The following HSDL2 variants were observed in gnomAD, a reference collection of about 807,000 sequenced individuals.
HSDL2 encodes the protein hydroxysteroid dehydrogenase-like protein 2.
In HSDL2, 27 loss-of-function variants were observed where a neutral mutation model predicts 46.3. That is an observed-to-expected ratio of 0.58 (90% CI 0.43 to 0.80). The LOEUF is 0.80. HSDL2 is among the 30% of genes least tolerant of loss of function. The probability of loss-of-function intolerance (pLI) is 0.00; values close to 1 mark genes in which losing one functional copy is unlikely to be tolerated. For synonymous variants in HSDL2, 153 were observed against 163.6 expected (o/e 0.94, Z 0.50); for missense variants, 451 against 502.7 (o/e 0.90, Z 0.98).
At chr9:112,410,724 C>G (rs921802898) in intron 4 of HSDL2, among the ~76,000 whole-genome samples, 2 of 152,060 alleles carry the variant, frequency 1.3e-5, no homozygotes, top group African/African-American at 2.4e-5. Flanking sequence ...CCCAGGAGTT[C>G]GAAACCAGCC....
chr9:112,437,767 G>A (rs1178043495), intron 6 of HSDL2, among the ~76,000 whole-genome samples: 2 of 152,214 alleles, frequency 1.3e-5, no homozygotes, highest in Non-Finnish European at 2.9e-5. Context: ...GTTATCAGGA[G>A]AATCAATTGG....
chr9:112,464,956 G>A (rs185684372), intron 10 of HSDL2, among the ~76,000 whole-genome samples: 132 of 152,014 alleles, frequency 8.7e-4, no homozygotes, highest in Admixed American at 1.8e-3. Context: ...CTATCTCTAT[G>A]GTTTTCCCTA....
chr9:112,422,740 G>A (rs1832152991), intron 6 of HSDL2, among the ~76,000 whole-genome samples: 1 of 152,152 alleles, frequency 6.6e-6, no homozygotes, highest in Non-Finnish European at 1.5e-5. Flanking sequence ...AGACCGATAT[G>A]GATGTAAACT....
intron 6 of HSDL2, among the ~76,000 whole-genome samples, chr9:112,424,075 C>T (rs1302899598): frequency 2.0e-5 from 3 of 151,202 alleles, no homozygotes; most frequent in Non-Finnish European, 4.4e-5. Context: ...AATCCCAGCA[C>T]TTTAGGAGGC....
At chr9:112,419,042 C>A in intron 6 of HSDL2, 84 bp downstream of exon 6, 2 of 708,318 alleles carry the variant, frequency 2.8e-6, no homozygotes, top group Non-Finnish European at 4.8e-6. Context: ...GAATCTCACT[C>A]TTGTCATCCA....
At chr9:112,446,938 CTCT>C (rs1041008350) in intron 8 of HSDL2, among the ~76,000 whole-genome samples, 1 of 152,196 alleles carries the variant, frequency 6.6e-6, no homozygotes, top group African/African-American at 2.4e-5. Flanking sequence ...GCGCGAGCCT[CTCT>C]TCTTTGTTCG....
intron 8 of HSDL2, among the ~76,000 whole-genome samples, chr9:112,442,952 G>A (rs1180955950): frequency 6.6e-6 from 1 of 151,634 alleles, no homozygotes; most frequent in Admixed American, 6.6e-5. Flanking sequence ...GGACTTTTTT[G>A]TATTACAGAC....
At chr9:112,422,980 T>C (rs531812096) in intron 6 of HSDL2, among the ~76,000 whole-genome samples, 15 of 152,314 alleles carry the variant, frequency 9.8e-5, no homozygotes, top group African/African-American at 2.9e-4. Context: ...TAGTTACTTA[T>C]TGACAAGATG....
chr9:112,440,092 C>T (rs1357190968), intron 7 of HSDL2, among the ~76,000 whole-genome samples: 2 of 152,188 alleles, frequency 1.3e-5, no homozygotes, highest in Admixed American at 6.5e-5. Context: ...GTGGCAGAAC[C>T]TGACCAGATT....
intron 8 of HSDL2, among the ~76,000 whole-genome samples, chr9:112,453,138 AG>A (rs1832927770): frequency 1.3e-5 from 2 of 152,192 alleles, no homozygotes; most frequent in African/African-American, 4.8e-5. Context: ...GGGAGGATGC[AG>A]GGTCAATCCA....
chr9:112,417,177 A>G (rs1832012971), intron 5 of HSDL2, among the ~76,000 whole-genome samples: 1 of 152,192 alleles, frequency 6.6e-6, no homozygotes, highest in African/African-American at 2.4e-5. Flanking sequence ...GTTCAGTTTG[A>G]TGAGTTTTGA....
At chr9:112,439,325 A>C (rs551600471) in intron 7 of HSDL2, among the ~76,000 whole-genome samples, 45 of 152,172 alleles carry the variant, frequency 3.0e-4, no homozygotes, top group Non-Finnish European at 5.7e-4. Flanking sequence ...GTTTAAAATA[A>C]TTTATGATTG....
chr9:112,417,576 T>A (rs1181705086), intron 5 of HSDL2, among the ~76,000 whole-genome samples: 2 of 152,038 alleles, frequency 1.3e-5, no homozygotes, highest in Non-Finnish European at 2.9e-5. Flanking sequence ...TACATATAGA[T>A]GCCTCCTTTA....
At position 112,470,966 on chromosome 9, in the gene HSDL2, T is replaced by A. The variant is rs1833560508; in HGVS notation, c.*422T>A. The A allele has an allele frequency of 6.6e-6, 1 of 152,506 alleles. No homozygotes were observed. Among genetic ancestry groups the A allele is most frequent in the South Asian group, 2.1e-4 (1 of 4,848 alleles). 9.4% of individuals were successfully genotyped at this position (152,506 alleles called of 1,614,324 possible). A position where few individuals can be genotyped will look rare whatever the true frequency, so the allele number is the denominator to read the frequency against. On this transcript the variant is annotated 3_prime_UTR_variant, in exon 11 of 11. Transcript: ENST00000398805. ...ATGAAAATCTTAATGATGTTTTTGA[T>A]TTTTATATACTTATTTTAAAGAAAA...
intron 1 of HSDL2, among the ~76,000 whole-genome samples, chr9:112,392,916 A>G (rs940035261): frequency 6.6e-5 from 10 of 152,182 alleles, no homozygotes; most frequent in African/African-American, 1.7e-4. Flanking sequence ...TGTCCATGAA[A>G]TCTTCACAAT....
At chr9:112,404,966 C>T (rs1017217350) in intron 2 of HSDL2, among the ~76,000 whole-genome samples, 5 of 152,172 alleles carry the variant, frequency 3.3e-5, no homozygotes, top group East Asian at 1.9e-4. Flanking sequence ...AACTAACAAT[C>T]GTTGAAGATA....
At chr9:112,396,830 G>A (rs1473173663) in intron 1 of HSDL2, among the ~76,000 whole-genome samples, 1 of 152,174 alleles carries the variant, frequency 6.6e-6, no homozygotes, top group Non-Finnish European at 1.5e-5. Flanking sequence ...TGAGACAGAA[G>A]AAGAGGCTGG....
At chr9:112,396,137 A>G (rs1274403949) in intron 1 of HSDL2, among the ~76,000 whole-genome samples, 2 of 152,192 alleles carry the variant, frequency 1.3e-5, no homozygotes, top group Non-Finnish European at 2.9e-5. Flanking sequence ...TATTAATTTC[A>G]GCCCCCCATT....
intron 5 of HSDL2, among the ~76,000 whole-genome samples, chr9:112,417,350 A>T (rs1221936577): frequency 1.3e-5 from 2 of 151,982 alleles, no homozygotes; most frequent in Non-Finnish European, 2.9e-5. Flanking sequence ...ACAGGTATGC[A>T]CCTGTAGTCC....
Sources: gnomAD v4.1 joint callset for allele counts (sites outside exome capture counted in the v4.1 genomes callset) on GRCh38, gnomAD v4.1.1 for gene constraint, MANE v1.5 for transcripts, NCBI Gene and HGNC (gene_info 2026-07-23, HGNC 2026-07-21) for gene names.